ITFG1: variants seen among roughly 807,000 people sequenced by gnomAD.
The protein encoded by ITFG1 is integrin alpha FG-GAP repeat containing 1.
A neutral mutation model predicts 81.8 loss-of-function variants in ITFG1; 34 were observed. That is an observed-to-expected ratio of 0.42 (90% confidence interval 0.32 to 0.55). The LOEUF (loss-of-function observed/expected upper bound fraction) is 0.55. Among genes scored for constraint, ITFG1 ranks in the 20% least tolerant of loss-of-function variants. The pLI, the probability that ITFG1 is intolerant of heterozygous loss-of-function variation, is 0.17. For synonymous variants in ITFG1, 285 were observed against 270.6 expected (o/e 1.05, Z -0.52); for missense variants, 672 against 755.4 (o/e 0.89, Z 1.29).
intron 8 of ITFG1, among the ~76,000 whole-genome samples, chr16:47,354,357 G>T (rs994575514): frequency 1.3e-5 from 2 of 151,968 alleles, no homozygotes; most frequent in East Asian, 3.9e-4. Flanking sequence ...ACATGCAGAA[G>T]AATGAAAGTC....
At chr16:47,448,678 T>C (rs566607544) in intron 5 of ITFG1, 1 of 151,010 alleles carries the variant, frequency 6.6e-6, no homozygotes, top group Admixed American at 6.6e-5. Context: ...TGACTAAAAT[T>C]ACAGGTACAA....
chr16:47,179,757 G>C (rs1965080635), intron 14 of ITFG1, among the ~76,000 whole-genome samples: 1 of 152,172 alleles, frequency 6.6e-6, no homozygotes, highest in South Asian at 2.1e-4. Flanking sequence ...CAGAAAGAAA[G>C]ATCTTAAATT....
At chr16:47,217,908 C>T (rs1320976973) in intron 14 of ITFG1, 1 of 152,152 alleles carries the variant, frequency 6.6e-6, no homozygotes, top group Non-Finnish European at 1.5e-5. Flanking sequence ...CTGGGCAACA[C>T]AGTGAGACTC....
chr16:47,184,853 G>C (rs1322296582), intron 14 of ITFG1, among the ~76,000 whole-genome samples: 2 of 152,100 alleles, frequency 1.3e-5, no homozygotes, highest in African/African-American at 4.8e-5. Context: ...AAAGAGTCAA[G>C]ACCCATCAGT....
chr16:47,363,348 C>T (rs778752594), intron 8 of ITFG1, among the ~76,000 whole-genome samples: 8 of 152,138 alleles, frequency 5.3e-5, no homozygotes, highest in Non-Finnish European at 7.4e-5. Context: ...TGTGAAACTA[C>T]ACAACCTCTT....
At chr16:47,161,261 G>C (rs1964800748) in intron 16 of ITFG1, among the ~76,000 whole-genome samples, 1 of 152,168 alleles carries the variant, frequency 6.6e-6, no homozygotes, top group Non-Finnish European at 1.5e-5. Flanking sequence ...TTCACCCTCA[G>C]ATGCAGAAAG....
chr16:47,326,536 C>A (rs1441130829), intron 8 of ITFG1, among the ~76,000 whole-genome samples: 1 of 152,144 alleles, frequency 6.6e-6, no homozygotes, highest in African/African-American at 2.4e-5. Flanking sequence ...GTCAAATTGT[C>A]CCTGTTTGCA....
chr16:47,182,226 G>C (rs956952779), intron 14 of ITFG1, among the ~76,000 whole-genome samples: 2 of 151,306 alleles, frequency 1.3e-5, no homozygotes, highest in African/African-American at 4.9e-5. Flanking sequence ...AGAATTTTAA[G>C]TAGGGGAATA....
intron 6 of ITFG1, among the ~76,000 whole-genome samples, chr16:47,386,181 TA>T (rs894496780): frequency 7.3e-5 from 11 of 151,666 alleles, no homozygotes; most frequent in African/African-American, 2.7e-4. Context: ...GGGAAATTAT[TA>T]AAAAAAAATT....
intron 10 of ITFG1, chr16:47,262,592 A>G (rs1966223912): frequency 6.6e-6 from 1 of 152,256 alleles, no homozygotes; most frequent in Admixed American, 6.5e-5. Flanking sequence ...ACTACTGCAC[A>G]TATTTCATTA....
intron 6 of ITFG1, among the ~76,000 whole-genome samples, chr16:47,420,694 A>G (rs773783607): frequency 1.3e-5 from 2 of 152,098 alleles, no homozygotes; most frequent in Non-Finnish European, 1.5e-5. Flanking sequence ...TTGCTACATG[A>G]TCTCTGTGCA....
At position 47,228,413 on chromosome 16, in the gene ITFG1, C is replaced by T. The variant is rs138456952; in HGVS notation, c.1375-9467G>A. 6.0e-3 allele frequency among the ~76,000 whole-genome samples: 919 copies of T among 152,152 alleles called. 12 individuals are homozygous for T. Among genetic ancestry groups the T allele is most frequent in the African/African-American group, 0.02 (845 of 41,504 alleles). ...CTCACCCTGTTGCCCAGGCTGGAGC[C>T]CAGTGGCGCGATCACAGCTCACTAC... is the stretch of plus-strand genomic sequence containing the variant. On this transcript the variant is annotated intron_variant, in intron 13 of 17. Transcript: ENST00000320640.
At chr16:47,181,774 G>A (rs1177671199) in intron 14 of ITFG1, among the ~76,000 whole-genome samples, 1 of 152,194 alleles carries the variant, frequency 6.6e-6, no homozygotes, top group Non-Finnish European at 1.5e-5. Context: ...TGAGAAATCG[G>A]ATGTTTGCTG....
intron 14 of ITFG1, among the ~76,000 whole-genome samples, chr16:47,163,005 C>G (rs894383065): frequency 6.6e-6 from 1 of 152,070 alleles, no homozygotes; most frequent in African/African-American, 2.4e-5. Context: ...CGGGGTCTTA[C>G]TATGTTGCCC....
chr16:47,181,300 T>C (rs1008764580), intron 14 of ITFG1, among the ~76,000 whole-genome samples: 65 of 149,864 alleles, frequency 4.3e-4, no homozygotes, highest in African/African-American at 1.6e-3. Context: ...CGTCTCTGTC[T>C]GGGAAGTGAG....
At chr16:47,317,342 A>G (rs994051526) in intron 8 of ITFG1, among the ~76,000 whole-genome samples, 7 of 152,228 alleles carry the variant, frequency 4.6e-5, no homozygotes, top group African/African-American at 1.7e-4. Flanking sequence ...GAATTTTTAT[A>G]TATAATTTTT....
intron 10 of ITFG1, among the ~76,000 whole-genome samples, chr16:47,285,194 G>A (rs984526658): frequency 6.6e-6 from 1 of 152,090 alleles, no homozygotes; most frequent in African/African-American, 2.4e-5. Context: ...ACACTCCCAT[G>A]AGAGAGTCCC....
intron 13 of ITFG1, among the ~76,000 whole-genome samples, chr16:47,232,532 G>A (rs1965826431): frequency 1.3e-5 from 2 of 152,078 alleles, no homozygotes; most frequent in South Asian, 4.2e-4. Context: ...AATACTCTAG[G>A]GGGAGGATGG....
intron 8 of ITFG1, among the ~76,000 whole-genome samples, chr16:47,319,311 T>G (rs1310768205): frequency 6.6e-6 from 1 of 152,216 alleles, no homozygotes; most frequent in African/African-American, 2.4e-5. Context: ...AGCTCAAATT[T>G]TATCACTGCT....
Sources: allele counts gnomAD v4.1 joint callset (sites outside exome capture counted in the v4.1 genomes callset), GRCh38; gene constraint gnomAD v4.1.1; transcripts MANE v1.5; gene names NCBI Gene and HGNC (gene_info 2026-07-23, HGNC 2026-07-21).